The following THRB variants were observed in gnomAD, a reference collection of about 807,000 sequenced individuals.
THRB encodes nuclear receptor subfamily 1 group A member 2.
In THRB, 12 loss-of-function variants were observed where a neutral mutation model predicts 47.8. The observed-to-expected ratio is 0.25, with a 90% CI of 0.16 to 0.41. The LOEUF (loss-of-function observed/expected upper bound fraction) is 0.41. Ranked by LOEUF, THRB falls within the 10% of genes least tolerant of loss-of-function variation. The pLI is 1.00. For synonymous variants in THRB, 218 were observed against 212.2 expected (o/e 1.03, Z -0.24); for missense variants, 348 against 589.2 (o/e 0.59, Z 4.24).
intron 7 of THRB, chr3:24,144,880 C>T (rs531422223): frequency 1.3e-5 from 2 of 151,962 alleles, no homozygotes; most frequent in South Asian, 4.2e-4. Flanking sequence ...AGGGCCATTT[C>T]TTGATGAAGG....
chr3:24,237,978 TTA>T (rs1351333180), intron 3 of THRB: 5 of 152,204 alleles, frequency 3.3e-5, no homozygotes, highest in Admixed American at 1.3e-4. Flanking sequence ...AGTAAAAATT[TTA>T]TGAGACCAAC....
At chr3:24,173,908 C>G (rs1009342686) in intron 5 of THRB, among the ~76,000 whole-genome samples, 1 of 152,182 alleles carries the variant, frequency 6.6e-6, no homozygotes, top group African/African-American at 2.4e-5. Context: ...TGCCAAGGTA[C>G]CTCACATACC....
intron 1 of THRB, among the ~76,000 whole-genome samples, chr3:24,351,764 G>A (rs1373776691): frequency 6.6e-6 from 1 of 152,120 alleles, no homozygotes; most frequent in African/African-American, 2.4e-5. Flanking sequence ...ACACCTGTAG[G>A]ACAGACACTT....
chr3:24,252,339 T>C (rs972737170), intron 3 of THRB, among the ~76,000 whole-genome samples: 5 of 151,992 alleles, frequency 3.3e-5, no homozygotes, highest in Admixed American at 3.3e-4. Context: ...TCAATATATA[T>C]GGAAATTTAC....
At chr3:24,213,966 G>C (rs1325436503) in intron 4 of THRB, among the ~76,000 whole-genome samples, 1 of 152,186 alleles carries the variant, frequency 6.6e-6, no homozygotes, top group Non-Finnish European at 1.5e-5. Flanking sequence ...GATGGCACCT[G>C]TCATTTATTA....
intron 3 of THRB, among the ~76,000 whole-genome samples, chr3:24,275,515 C>G (rs573306470): frequency 6.6e-5 from 10 of 152,098 alleles, no homozygotes; most frequent in Admixed American, 6.6e-5. Context: ...GGGAAGAGGT[C>G]AGGGGGAAAA....
intron 2 of THRB, among the ~76,000 whole-genome samples, chr3:24,313,343 C>G (rs976978886): frequency 6.6e-6 from 1 of 152,194 alleles, no homozygotes; most frequent in African/African-American, 2.4e-5. Flanking sequence ...CCTTTCACAT[C>G]CAGAAATGCC....
chr3:24,213,038 A>G (rs2046218273), intron 4 of THRB, among the ~76,000 whole-genome samples: 1 of 152,196 alleles, frequency 6.6e-6, no homozygotes, highest in South Asian at 2.1e-4. Flanking sequence ...GTATGACATG[A>G]ACAATGGGAG....
At chr3:24,458,574 A>C (rs1290538868) in intron 1 of THRB, 1 of 152,178 alleles carries the variant, frequency 6.6e-6, no homozygotes, top group East Asian at 1.9e-4. Context: ...TTTAGCAATT[A>C]GTTTCAATTT....
At chr3:24,334,057 G>A (rs1300989976) in intron 2 of THRB, among the ~76,000 whole-genome samples, 3 of 152,104 alleles carry the variant, frequency 2.0e-5, no homozygotes, top group African/African-American at 7.2e-5. Context: ...TATTTCTGCC[G>A]CAATAATTAC....
At chr3:24,125,711 A>G (rs1217472519) in intron 10 of THRB, among the ~76,000 whole-genome samples, 3 of 152,148 alleles carry the variant, frequency 2.0e-5, no homozygotes, top group Non-Finnish European at 4.4e-5. Flanking sequence ...TGTCATGGGA[A>G]CTTTCCCCAC....
At chr3:24,425,970 T>A (rs2069720665) in intron 1 of THRB, among the ~76,000 whole-genome samples, 1 of 151,988 alleles carries the variant, frequency 6.6e-6, no homozygotes, top group Non-Finnish European at 1.5e-5. Context: ...ACTCTACCAT[T>A]TAATAGCTAT....
intron 3 of THRB, among the ~76,000 whole-genome samples, chr3:24,238,288 G>GGGTGT (rs2049109223): frequency 7.4e-6 from 1 of 134,680 alleles, no homozygotes; most frequent in Admixed American, 7.4e-5. Flanking sequence ...TGGGGGGGGG[G>GGGTGT]GGGGTGTGTG....
intron 1 of THRB, among the ~76,000 whole-genome samples, chr3:24,431,390 A>G (rs1477924313): frequency 6.6e-6 from 1 of 152,062 alleles, no homozygotes; most frequent in African/African-American, 2.4e-5. Context: ...AAAGACAGAT[A>G]GGAAAAGATG....
At chr3:24,373,759 A>C (rs2065076979) in intron 1 of THRB, among the ~76,000 whole-genome samples, 1 of 152,150 alleles carries the variant, frequency 6.6e-6, no homozygotes, top group East Asian at 1.9e-4. Context: ...AACCTAGCTT[A>C]ATAGTCAGAT....
intron 8 of THRB, among the ~76,000 whole-genome samples, chr3:24,137,705 T>C (rs1301932785): frequency 6.6e-6 from 1 of 152,062 alleles, no homozygotes; most frequent in Non-Finnish European, 1.5e-5. Context: ...AGAAAGGAGA[T>C]GGGCTTATTC....
At chr3:24,237,796 T>C (rs1489680495) in intron 3 of THRB, among the ~76,000 whole-genome samples, 1 of 152,130 alleles carries the variant, frequency 6.6e-6, no homozygotes, top group East Asian at 1.9e-4. Context: ...ATTCCTGTGT[T>C]GAGGACTAGG....
chr3:24,458,642 C>T (rs1378783499), intron 1 of THRB: 2 of 152,166 alleles, frequency 1.3e-5, no homozygotes, highest in African/African-American at 4.8e-5. Context: ...CCACTCCCTC[C>T]CCTACAGTGC....
intron 6 of THRB, among the ~76,000 whole-genome samples, chr3:24,149,661 C>CT (rs567519189): frequency 1.2e-4 from 18 of 151,450 alleles, no homozygotes; most frequent in Admixed American, 2.0e-4. Context: ...GTTGGCCTTT[C>CT]TTTTTTTTGT....
Sources: allele counts gnomAD v4.1 joint callset (sites outside exome capture counted in the v4.1 genomes callset), GRCh38; gene constraint gnomAD v4.1.1; transcripts MANE v1.5; gene names NCBI Gene and HGNC (gene_info 2026-07-23, HGNC 2026-07-21).